GMNC: variants seen among roughly 807,000 people sequenced by gnomAD.
The protein encoded by GMNC is geminin coiled-coil domain-containing protein 1.
A neutral mutation model predicts 33.6 loss-of-function variants in GMNC; 16 were observed. The ratio of observed to expected loss-of-function variants is 0.48; its 90% CI spans 0.32 to 0.72. The LOEUF (loss-of-function observed/expected upper bound fraction) is 0.72, where lower values mean the gene tolerates loss of function less well. Ranked by LOEUF, GMNC falls within the 30% of genes least tolerant of loss-of-function variation. GMNC has a pLI of 0.03. For missense variants in GMNC, 393 were observed against 388.9 expected, an observed-to-expected ratio of 1.01 and a Z score of -0.09; for synonymous variants, 156 against 147.3, an observed-to-expected ratio of 1.06 and a Z score of -0.43.
chr3:190,846,990 C>T, the GMNC span, among the ~76,000 whole-genome samples: 4 of 152,136 alleles, frequency 2.6e-5, no homozygotes, highest in Non-Finnish European at 5.9e-5. Context: ...TGGTCCAAGG[C>T]ACTTAAGAAT....
Position 190,855,843 on chromosome 3 carries a change from GC to G in GMNC, c.456del (p.Glu152AspfsTer44). On this transcript the variant is annotated frameshift_variant, in exon 5 of 5. Coordinates refer to ENST00000442080, the MANE Select transcript of GMNC (RefSeq NM_001146686.3). LOFTEE classifies it high-confidence loss of function. Reference protein sequence around the residue: ...KFRKGKRKSKEQRYSPAEIPH... With the variant: ...KFRKGKRKSKXQRYSPAEIPH... ...GGAATCTCAGCAGGAGAGTATCTTT[GC>G]TCTTTGGATTTTCTCTTCCCCTTCC... The G allele has an allele frequency of 6.4e-7, 1 of 1,550,936 alleles. No individual in the cohort carries two copies. The highest frequency in any genetic ancestry group is 8.7e-7 in the Non-Finnish European group (1 of 1,146,382).
chr3:190,844,637 G>T, the GMNC span, among the ~76,000 whole-genome samples: 1 of 151,970 alleles, frequency 6.6e-6, no homozygotes, highest in Non-Finnish European at 1.5e-5. Context: ...TTTTTTGACA[G>T]TCTCTATTTT....
intron 4 of GMNC, 42 bp downstream of exon 4, chr3:190,857,741 A>G: frequency 3.1e-6 from 3 of 969,344 alleles, no homozygotes; most frequent in Non-Finnish European, 4.9e-6. Context: ...TTCTCAAATC[A>G]CTGCTTTGTT....
At chr3:190,856,344 TTTA>T (rs973621905) in intron 4 of GMNC, among the ~76,000 whole-genome samples, 3 of 143,486 alleles carry the variant, frequency 2.1e-5, no homozygotes, top group African/African-American at 7.6e-5. Flanking sequence ...AATAAAAATA[TTTA>T]TTAATATATA....
intron 3 of GMNC, among the ~76,000 whole-genome samples, chr3:190,858,389 C>CA (rs1314657034): frequency 6.6e-6 from 1 of 152,028 alleles, no homozygotes; most frequent in East Asian, 1.9e-4. Flanking sequence ...TCCTCCCTTG[C>CA]ATGTTTAAAT....
Position 190,855,863 on chromosome 3 carries a change from C to T in GMNC, c.437G>A (p.Gly146Glu), listed in dbSNP as rs944735193. ...TCTTTGCTCTTTGGATTTTCTCTTCCCCTTCCTGAATTTTCCATATGCTTT... is the reference window on the plus strand; with the variant it reads ...TCTTTGCTCTTTGGATTTTCTCTTCTCCTTCCTGAATTTTCCATATGCTTT... ...FSKAYGKFRK[G>E]KRKSKEQRYS... Residue 146 changes from glycine to glutamate, a missense_variant, in exon 5 of 5, where the codon GGG (glycine) becomes GAG (glutamate). Transcript: ENST00000442080. The T allele has an allele frequency of 6.4e-7, 1 of 1,550,842 alleles. No individual in the cohort carries two copies. Among genetic ancestry groups the T allele is most frequent in the Non-Finnish European group, 8.7e-7 (1 of 1,146,308 alleles).
At position 190,860,725 on chromosome 3, in the gene GMNC, A is replaced by G. The variant is rs948246238; in HGVS notation, c.137T>C (p.Leu46Pro). ...ETWVSFWAAG[L>P]LDNRELQQAP... ...TTGTTGGAGCTCTCTGTTGTCCAGG[A>G]GACCAGCAGCCCAGAAAGAGACCCA... Residue 46 changes from leucine (L) to proline (P), a missense_variant, in exon 2 of 5, where the codon CTC becomes CCC. By Grantham distance (98) the Leu-to-Pro change is moderately conservative (BLOSUM62 -3). Coordinates refer to ENST00000442080, the MANE Select transcript of GMNC (RefSeq NM_001146686.3). The G allele has an allele frequency of 9.7e-6, 15 of 1,551,344 alleles. No individual in the cohort carries two copies. Among genetic ancestry groups the G allele is most frequent in the African/African-American group, 1.4e-5 (1 of 73,042 alleles).
At chr3:190,844,982 T>C in the GMNC span, among the ~76,000 whole-genome samples, 2 of 152,126 alleles carry the variant, frequency 1.3e-5, no homozygotes, top group Non-Finnish European at 2.9e-5. Context: ...ATAAAATGAG[T>C]ATAGATTATA....
At chr3:190,846,344 T>C in the GMNC span, among the ~76,000 whole-genome samples, 4 of 152,220 alleles carry the variant, frequency 2.6e-5, no homozygotes, top group African/African-American at 9.6e-5. Context: ...CATGCATTAA[T>C]TGAAAATCAT....
downstream of GMNC, among the ~76,000 whole-genome samples, chr3:190,850,746 T>C (rs1045764417): frequency 2.0e-5 from 3 of 152,176 alleles, no homozygotes; most frequent in Non-Finnish European, 4.4e-5. Context: ...TCCGCAACAA[T>C]AGTAGAAAAG....
chr3:190,854,008 G>T lies in GMNC; in HGVS notation c.*1287C>A, dbSNP rs1442588522. On this transcript the variant is annotated 3_prime_UTR_variant, in exon 5 of 5. Transcript: ENST00000442080. ...AAAAGAGTACTGTGATCAGAGCAAT[G>T]ATTTCTAATGTTAACTTCAAATGAC... The T allele has an allele frequency of 9.9e-5, 15 of 152,126 alleles. No homozygotes were observed. Among genetic ancestry groups the T allele is most frequent in the Non-Finnish European group, 2.9e-5 (2 of 68,000 alleles). 9.4% of individuals were successfully genotyped at this position (152,126 alleles called of 1,614,324 possible). A position where few individuals can be genotyped will look rare whatever the true frequency, so the allele number is the denominator to read the frequency against.
the GMNC span, among the ~76,000 whole-genome samples, chr3:190,844,529 G>C: frequency 6.6e-6 from 1 of 151,140 alleles, no homozygotes. Flanking sequence ...TGTTATCAAG[G>C]AAAAATATGT....
chr3:190,857,759 A>G, intron 4 of GMNC, 24 bp downstream of exon 4: 1 of 1,120,490 alleles, frequency 8.9e-7, no homozygotes, highest in South Asian at 1.3e-5. Flanking sequence ...GTTCTTATAA[A>G]GTAGATACAT....
At chr3:190,858,058 C>A (rs1737785112) in intron 3 of GMNC, 159 bp from the exon 4 acceptor site, 2 of 606,836 alleles carry the variant, frequency 3.3e-6, no homozygotes, top group Non-Finnish European at 5.9e-6. Context: ...ATTAAATCTA[C>A]ATCCCCCTAA....
downstream of GMNC, among the ~76,000 whole-genome samples, chr3:190,850,970 G>A (rs952625633): frequency 1.2e-4 from 18 of 150,566 alleles, no homozygotes; most frequent in African/African-American, 3.7e-4. Context: ...TTTCTCCAAG[G>A]AAAAAAAAAT....
chr3:190,862,393 G>A lies in GMNC; in HGVS notation c.3+220C>T, dbSNP rs1220154949. Among the ~76,000 whole-genome samples, 2 of 147,068 alleles carry A rather than the reference G, an allele frequency of 1.4e-5. No homozygotes were observed. The highest frequency in any genetic ancestry group is 2.2e-4 in the South Asian group (1 of 4,614). On this transcript the variant is annotated intron_variant, in intron 1 of 4. Coordinates refer to ENST00000442080, the MANE Select transcript of GMNC (RefSeq NM_001146686.3). This position sits in a 1 kb window ranked among gnomAD's most constrained non-coding sequence, Gnocchi z 4.5. Reference sequence around the variant, plus strand: ...GAGAGAGGGCGAGAGAGAGAAAGGAGAGAAAGAAGAGGGAGAGAGGGAGAG... The same window carrying A: ...GAGAGAGGGCGAGAGAGAGAAAGGAAAGAAAGAAGAGGGAGAGAGGGAGAG...
chr3:190,849,144 A>G (rs996869838), downstream of GMNC, among the ~76,000 whole-genome samples: 1 of 152,210 alleles, frequency 6.6e-6, no homozygotes, highest in Non-Finnish European at 1.5e-5. Context: ...GCTAATTACA[A>G]CTATTGTGGA....
At chr3:190,848,200 C>T (rs1045378102), downstream of GMNC, among the ~76,000 whole-genome samples, 2 of 152,142 alleles carry the variant, frequency 1.3e-5, no homozygotes, top group Admixed American at 6.5e-5. Flanking sequence ...CACTACTTCC[C>T]TTTTATTATT....
Position 190,861,077 on chromosome 3 carries a change from T to C in GMNC, c.4-219A>G, listed in dbSNP as rs999083405. ...TTTCTTGGTTTACCCAGAATTTCCC[T>C]TAGGCCCTCTGAGCAAAAGAGCAGA... On this transcript the variant is annotated intron_variant, in intron 1 of 4. Coordinates refer to ENST00000442080, the MANE Select transcript of GMNC (RefSeq NM_001146686.3). This position sits in a 1 kb window ranked among gnomAD's most constrained non-coding sequence, Gnocchi z 5.1. Among the ~76,000 whole-genome samples, 3 of 152,178 alleles carry C rather than the reference T, an allele frequency of 2.0e-5. No homozygotes were observed. The highest frequency in any genetic ancestry group is 4.4e-5 in the Non-Finnish European group (3 of 68,032).
Sources: gnomAD v4.1 joint callset for allele counts (sites outside exome capture counted in the v4.1 genomes callset) on GRCh38, gnomAD v4.1.1 for gene constraint, Gnocchi (gnomAD v3.1) non-coding constraint, MANE v1.5 for transcripts, NCBI Gene and HGNC (gene_info 2026-07-23, HGNC 2026-07-21) for gene names.